The following CNBD1 variants were observed in gnomAD, a reference collection of about 807,000 sequenced individuals.
CNBD1 encodes the protein cyclic nucleotide-binding domain-containing protein 1.
In CNBD1, 71 loss-of-function variants were observed where a neutral mutation model predicts 54.4. The observed-to-expected ratio is 1.30, with a 90% CI of 1.08 to 1.59. The LOEUF is 1.59. Ranked by LOEUF, CNBD1 falls within the 40% of genes most tolerant of loss-of-function variation. The pLI is 0.00. For synonymous variants in CNBD1, 182 were observed against 170.7 expected, an observed-to-expected ratio of 1.07 and a Z score of -0.51; for missense variants, 659 against 518.0, an observed-to-expected ratio of 1.27 and a Z score of -2.64.
At chr8:87,075,098 C>T (rs998657409) in intron 4 of CNBD1, among the ~76,000 whole-genome samples, 5 of 152,126 alleles carry the variant, frequency 3.3e-5, no homozygotes, top group Non-Finnish European at 5.9e-5. Context: ...ATTTGTAAAA[C>T]TCCTGGAGCA....
intron 4 of CNBD1, among the ~76,000 whole-genome samples, chr8:87,112,119 A>G (rs1310374460): frequency 6.6e-6 from 1 of 152,128 alleles, no homozygotes; most frequent in East Asian, 1.9e-4. Context: ...TGACTCTAGC[A>G]TGTCCACTTC....
intron 8 of CNBD1, among the ~76,000 whole-genome samples, chr8:87,296,111 T>C (rs894629740): frequency 6.6e-6 from 1 of 152,106 alleles, no homozygotes; most frequent in African/African-American, 2.4e-5. Context: ...GCAAAATAAA[T>C]AGGTACAATT....
chr8:87,093,787 A>G (rs887689935), intron 4 of CNBD1, among the ~76,000 whole-genome samples: 1 of 152,064 alleles, frequency 6.6e-6, no homozygotes. Context: ...TCCCATACTT[A>G]TATATAAGAA....
chr8:87,327,629 C>G lies in CNBD1; in HGVS notation c.1043-24056C>G, dbSNP rs183252657. Reference sequence around the variant, plus strand: ...GGAACTCCCTGACCCCTTGCGCTTCCCAGGTGAGGCAGTGCCTCGCCCTGC... The same window carrying G: ...GGAACTCCCTGACCCCTTGCGCTTCGCAGGTGAGGCAGTGCCTCGCCCTGC... On this transcript the variant is annotated intron_variant, in intron 8 of 10. Coordinates refer to ENST00000518476, the MANE Select transcript of CNBD1 (RefSeq NM_173538.3). 2.8e-3 allele frequency among the ~76,000 whole-genome samples: 433 copies of G among 152,320 alleles called. 4 individuals carry two copies. Among genetic ancestry groups the G allele is most frequent in the African/African-American group, 9.3e-3 (387 of 41,580 alleles).
intron 8 of CNBD1, among the ~76,000 whole-genome samples, chr8:87,336,718 C>G (rs1433667771): frequency 6.6e-6 from 1 of 152,190 alleles, no homozygotes; most frequent in Non-Finnish European, 1.5e-5. Context: ...ATCTTATCCC[C>G]TGTCCAGTTC....
intron 4 of CNBD1, among the ~76,000 whole-genome samples, chr8:87,126,037 A>G (rs1811983685): frequency 1.3e-5 from 2 of 151,864 alleles, no homozygotes; most frequent in African/African-American, 4.8e-5. Context: ...GTAATATTCT[A>G]TTGTATGAAT....
At chr8:87,270,636 T>C (rs566974544) in intron 6 of CNBD1, among the ~76,000 whole-genome samples, 3 of 152,056 alleles carry the variant, frequency 2.0e-5, no homozygotes, top group African/African-American at 7.2e-5. Context: ...TAAATATAAA[T>C]CATCCTATTT....
intron 6 of CNBD1, among the ~76,000 whole-genome samples, chr8:87,272,926 C>A (rs1808396628): frequency 6.6e-6 from 1 of 151,822 alleles, no homozygotes; most frequent in African/African-American, 2.4e-5. Context: ...GTTCTTCATG[C>A]TCGCTCTTCC....
At chr8:86,962,386 A>G (rs1415982925) in intron 4 of CNBD1, among the ~76,000 whole-genome samples, 3 of 152,162 alleles carry the variant, frequency 2.0e-5, no homozygotes, top group African/African-American at 4.8e-5. Flanking sequence ...GTCATTTTAA[A>G]TCTCTTATTT....
intron 8 of CNBD1, among the ~76,000 whole-genome samples, chr8:87,345,014 T>C (rs1810141240): frequency 6.6e-6 from 1 of 152,186 alleles, no homozygotes; most frequent in Non-Finnish European, 1.5e-5. Flanking sequence ...ATTTTCCTTC[T>C]ATTGATTTTG....
chr8:86,875,210 A>G (rs1035947153), intron 1 of CNBD1, among the ~76,000 whole-genome samples: 2 of 151,854 alleles, frequency 1.3e-5, no homozygotes, highest in African/African-American at 4.8e-5. Flanking sequence ...ATTCACTGCC[A>G]TCCATTCTGA....
intron 10 of CNBD1, among the ~76,000 whole-genome samples, chr8:87,377,943 A>T (rs1810986481): frequency 6.8e-6 from 1 of 147,122 alleles, no homozygotes; most frequent in South Asian, 2.2e-4. Flanking sequence ...TGGCTGCATA[A>T]ATGTCTTCTT....
At chr8:87,015,076 AATC>A (rs1809325095) in intron 4 of CNBD1, among the ~76,000 whole-genome samples, 2 of 152,238 alleles carry the variant, frequency 1.3e-5, no homozygotes, top group Admixed American at 1.3e-4. Context: ...ATTAAAAAGA[AATC>A]ATAATCTTTC....
intron 3 of CNBD1, among the ~76,000 whole-genome samples, chr8:86,930,097 G>A (rs886077527): frequency 6.6e-6 from 1 of 152,152 alleles, no homozygotes; most frequent in African/African-American, 2.4e-5. Flanking sequence ...TCCTTGATTA[G>A]AGTATAGAGT....
At chr8:87,106,156 TCTTC>T (rs1463216369) in intron 4 of CNBD1, among the ~76,000 whole-genome samples, 2 of 150,942 alleles carry the variant, frequency 1.3e-5, no homozygotes, top group African/African-American at 4.8e-5. Context: ...TCTTCTTTTT[TCTTC>T]CTTTCCATTC....
chr8:87,213,277 CTT>C (rs1409181380), intron 5 of CNBD1, among the ~76,000 whole-genome samples: 1 of 152,170 alleles, frequency 6.6e-6, no homozygotes, highest in African/African-American at 2.4e-5. Context: ...TTGTAAAACA[CTT>C]TGGCAATTCC....
chr8:87,334,316 C>CA (rs1047561975), intron 8 of CNBD1, among the ~76,000 whole-genome samples: 124 of 150,652 alleles, frequency 8.2e-4, no homozygotes, highest in African/African-American at 1.8e-3. Context: ...TTAATTTTTT[C>CA]AAAAAAAACA....
chr8:86,927,477 A>T (rs1408617443), intron 3 of CNBD1, among the ~76,000 whole-genome samples: 1 of 152,088 alleles, frequency 6.6e-6, no homozygotes, highest in African/African-American at 2.4e-5. Context: ...GGTGACTCTG[A>T]AGTTACTATG....
chr8:87,308,333 A>G (rs1809198848), intron 8 of CNBD1, among the ~76,000 whole-genome samples: 1 of 152,178 alleles, frequency 6.6e-6, no homozygotes, highest in African/African-American at 2.4e-5. Flanking sequence ...ATCATGTTTC[A>G]TCCATCTGGG....
Sources: gnomAD v4.1 joint callset for allele counts (sites outside exome capture counted in the v4.1 genomes callset) on GRCh38, gnomAD v4.1.1 for gene constraint, MANE v1.5 for transcripts, NCBI Gene and HGNC (gene_info 2026-07-23, HGNC 2026-07-21) for gene names.